The following AUTS2 variants were observed in gnomAD, a reference collection of about 807,000 sequenced individuals.
AUTS2 encodes activator of transcription and developmental regulator AUTS2, also known as autism susceptibility gene 2 protein.
AUTS2 carries 17 observed loss-of-function variants against 112.4 expected under a neutral mutation model. That is an observed-to-expected ratio of 0.15 (90% CI 0.10 to 0.23). AUTS2 has a LOEUF of 0.23. Ranked by LOEUF, AUTS2 falls within the 10% of genes least tolerant of loss-of-function variation. The probability of loss-of-function intolerance (pLI) is 1.00; values close to 1 mark genes in which losing one functional copy is unlikely to be tolerated. For synonymous variants in AUTS2, 751 were observed against 702.7 expected, an observed-to-expected ratio of 1.07 and a Z score of -1.09; for missense variants, 1,510 against 1,701.6, an observed-to-expected ratio of 0.89 and a Z score of 1.98.
At chr7:70,290,389 G>A in intron 4 of AUTS2, 1 of 1,516,568 alleles carries the variant, frequency 6.6e-7, no homozygotes, top group Non-Finnish European at 8.8e-7. Context: ...GATGTGCCTT[G>A]GAGAGGAAGC....
rs555852962 is a variant in AUTS2 at position 69,817,537 on chromosome 7, TG to T, written c.310-81747del. The stretch of plus-strand genomic sequence containing the variant: ...CAAGACAAAATAGATTCCAAGGTTC[TG>T]GTGTGCAGTGTTCTGTCTGAGCACC... On this transcript the variant is annotated intron_variant, in intron 1 of 18. Transcript: ENST00000342771. Among the ~76,000 whole-genome samples the T allele has an allele frequency of 6.6e-3, 1,009 of 152,314 alleles. 3 individuals carry two copies. The highest frequency in any genetic ancestry group is 0.011 in the Non-Finnish European group (765 of 68,032).
intron 2 of AUTS2, among the ~76,000 whole-genome samples, chr7:69,975,665 G>A (rs543772053): frequency 8.6e-5 from 13 of 151,360 alleles, no homozygotes; most frequent in Non-Finnish European, 1.5e-4. Context: ...GAGCCCATCC[G>A]TTGAATTTTT....
intron 5 of AUTS2, among the ~76,000 whole-genome samples, chr7:70,444,680 T>C (rs527835728): frequency 5.9e-5 from 9 of 152,164 alleles, no homozygotes; most frequent in Non-Finnish European, 1.2e-4. Flanking sequence ...TGAGAAGTTC[T>C]AGCTGTAGAC....
intron 1 of AUTS2, among the ~76,000 whole-genome samples, chr7:69,649,447 G>A (rs1464610228): frequency 2.0e-5 from 3 of 152,050 alleles, no homozygotes; most frequent in Non-Finnish European, 2.9e-5. Flanking sequence ...ATACGAAACA[G>A]TTGCCAACAA....
At chr7:70,499,912 T>C (rs749774680) in intron 5 of AUTS2, among the ~76,000 whole-genome samples, 3 of 152,194 alleles carry the variant, frequency 2.0e-5, no homozygotes, top group African/African-American at 4.8e-5. Flanking sequence ...GTCAGACTTG[T>C]TGAGGAAGAC....
intron 1 of AUTS2, among the ~76,000 whole-genome samples, chr7:69,763,061 C>T (rs1471532170): frequency 6.6e-6 from 1 of 152,200 alleles, no homozygotes; most frequent in Non-Finnish European, 1.5e-5. Flanking sequence ...GTTTTATTTT[C>T]ACACCTCTAA....
At chr7:69,815,482 T>C (rs1304562462) in intron 1 of AUTS2, among the ~76,000 whole-genome samples, 2 of 152,152 alleles carry the variant, frequency 1.3e-5, no homozygotes, top group Admixed American at 6.5e-5. Context: ...TTGGAGGAAA[T>C]GCTCTGTTGT....
At chr7:70,220,752 G>T (rs546417477) in intron 4 of AUTS2, among the ~76,000 whole-genome samples, 1 of 152,142 alleles carries the variant, frequency 6.6e-6, no homozygotes, top group South Asian at 2.1e-4. Flanking sequence ...TGAGGATGGC[G>T]AAAATGTCAA....
chr7:69,785,743 G>C (rs1037329783), intron 1 of AUTS2, among the ~76,000 whole-genome samples: 2 of 152,186 alleles, frequency 1.3e-5, no homozygotes, highest in African/African-American at 2.4e-5. Flanking sequence ...TTTGTCAGGG[G>C]CCTACTGTGT....
intron 5 of AUTS2, among the ~76,000 whole-genome samples, chr7:70,491,970 A>G (rs910121950): frequency 6.6e-6 from 1 of 152,114 alleles, no homozygotes; most frequent in Non-Finnish European, 1.5e-5. Flanking sequence ...CCTAGGAAGC[A>G]CTAGATGTTT....
At chr7:70,011,423 T>C (rs1399513659) in intron 2 of AUTS2, among the ~76,000 whole-genome samples, 1 of 151,122 alleles carries the variant, frequency 6.6e-6, no homozygotes, top group African/African-American at 2.4e-5. Context: ...TTTCTCAATT[T>C]AGCTCATCAG....
At chr7:70,457,289 A>G (rs954367437) in intron 5 of AUTS2, among the ~76,000 whole-genome samples, 2 of 152,136 alleles carry the variant, frequency 1.3e-5, no homozygotes, top group African/African-American at 4.8e-5. Context: ...GAATGGTTTA[A>G]TTAGGTGTGA....
At chr7:70,290,319 C>A in intron 4 of AUTS2, 1 of 1,441,760 alleles carries the variant, frequency 6.9e-7, no homozygotes, top group Non-Finnish European at 9.1e-7. Flanking sequence ...TATCAGAGGG[C>A]ATTTAACATT....
chr7:69,858,358 G>T (rs2129531532), intron 1 of AUTS2, among the ~76,000 whole-genome samples: 1 of 152,278 alleles, frequency 6.6e-6, no homozygotes, highest in East Asian at 1.9e-4. Flanking sequence ...ACCAAGACTT[G>T]TGAGTCATGC....
intron 1 of AUTS2, among the ~76,000 whole-genome samples, chr7:69,774,617 G>A (rs1788815347): frequency 6.6e-6 from 1 of 152,170 alleles, no homozygotes. Flanking sequence ...GGAAATCTCA[G>A]CAAGAATTTA....
intron 1 of AUTS2, among the ~76,000 whole-genome samples, chr7:69,651,187 G>C (rs145581496): frequency 2.0e-5 from 3 of 152,218 alleles, no homozygotes; most frequent in African/African-American, 4.8e-5. Context: ...GAGGAACGGG[G>C]TGTGAAACAA....
chr7:69,858,734 G>C (rs771689028), intron 1 of AUTS2, among the ~76,000 whole-genome samples: 1 of 152,134 alleles, frequency 6.6e-6, no homozygotes, highest in Non-Finnish European at 1.5e-5. Flanking sequence ...CTAAAGAATA[G>C]GAACAACTGG....
chr7:70,007,979 T>C (rs1192188797), intron 2 of AUTS2, among the ~76,000 whole-genome samples: 1 of 152,206 alleles, frequency 6.6e-6, no homozygotes, highest in Non-Finnish European at 1.5e-5. Context: ...ACTAGATTGA[T>C]TGGGCATTTT....
At chr7:70,656,822 A>G (rs1199520261) in intron 5 of AUTS2, among the ~76,000 whole-genome samples, 1 of 151,986 alleles carries the variant, frequency 6.6e-6, no homozygotes, top group Non-Finnish European at 1.5e-5. Flanking sequence ...CTCTGCGACT[A>G]GGCCCAGATT....
Sources: allele counts gnomAD v4.1 joint callset (sites outside exome capture counted in the v4.1 genomes callset), GRCh38; gene constraint gnomAD v4.1.1; transcripts MANE v1.5; gene names NCBI Gene and HGNC (gene_info 2026-07-23, HGNC 2026-07-21).